ST6GALNAC3: variants seen among roughly 807,000 people sequenced by gnomAD.
ST6GALNAC3 encodes the protein ST6 N-acetylgalactosaminide alpha-2,6-sialyltransferase 3, also known as alpha-N-acetylgalactosaminide alpha-2,6-sialyltransferase 3.
ST6GALNAC3 carries 25 observed loss-of-function variants against 32.7 expected under a neutral mutation model. The observed-to-expected ratio is 0.76, with a 90% CI of 0.56 to 1.07. The LOEUF (loss-of-function observed/expected upper bound fraction) is 1.07. Ranked by LOEUF, ST6GALNAC3 falls within the 50% of genes least tolerant of loss-of-function variation. ST6GALNAC3 has a pLI of 0.00. For missense variants in ST6GALNAC3, 355 were observed against 382.4 expected (o/e 0.93, Z 0.60); for synonymous variants, 129 against 133.1 (o/e 0.97, Z 0.21).
rs1649448755 is a variant in ST6GALNAC3 at position 76,634,516 on chromosome 1, T to C, written c.*5710T>C. ...TTTAGAAGAAAGTGTAAATGCACAG[T>C]TGTACGTTTGTTGAGAGTTTTTATG... On this transcript the variant is annotated 3_prime_UTR_variant, in exon 5 of 5. Transcript: ENST00000328299. The C allele has an allele frequency of 6.6e-6, 1 of 152,074 alleles. No homozygotes were observed. Among genetic ancestry groups the C allele is most frequent in the Admixed American group, 6.5e-5 (1 of 15,268 alleles). The allele number at this position is 152,074 out of a possible 1,614,324, so 9.4% of individuals were successfully genotyped here. A position where few individuals can be genotyped will look rare whatever the true frequency, so the allele number is the denominator to read the frequency against.
intron 1 of ST6GALNAC3, among the ~76,000 whole-genome samples, chr1:76,211,316 G>A (rs1478177278): frequency 6.6e-6 from 1 of 152,166 alleles, no homozygotes; most frequent in East Asian, 1.9e-4. Flanking sequence ...GGAGAAATAG[G>A]AATACTTTTA....
At chr1:76,345,722 G>A (rs1166188808) in intron 2 of ST6GALNAC3, among the ~76,000 whole-genome samples, 1 of 151,966 alleles carries the variant, frequency 6.6e-6, no homozygotes, top group South Asian at 2.1e-4. Flanking sequence ...TGAGTAAAAG[G>A]ATGGGGATCT....
chr1:76,317,023 G>A (rs1204513743), intron 2 of ST6GALNAC3, among the ~76,000 whole-genome samples: 1 of 152,106 alleles, frequency 6.6e-6, no homozygotes, highest in Non-Finnish European at 1.5e-5. Flanking sequence ...GTCTATGCAT[G>A]ATAGACCCCA....
At chr1:76,354,750 A>T (rs942699) in intron 2 of ST6GALNAC3, among the ~76,000 whole-genome samples, 2 of 151,944 alleles carry the variant, frequency 1.3e-5, no homozygotes, top group African/African-American at 2.4e-5. Context: ...AACTTCTAAG[A>T]GTGTTGGTTT....
At chr1:76,331,925 AT>A (rs1263346510) in intron 2 of ST6GALNAC3, among the ~76,000 whole-genome samples, 1 of 152,038 alleles carries the variant, frequency 6.6e-6, no homozygotes, top group Non-Finnish European at 1.5e-5. Context: ...TATCTCATGA[AT>A]TTTTCTCCCT....
rs918678082 is a variant in ST6GALNAC3 at position 76,457,299 on chromosome 1, A to G, written c.623+44882A>G. ...CTGCCCAAGGTAATTTACAGATTCA[A>G]TGCCATCCCCATCAAGCTACCAATG... On this transcript the variant is annotated intron_variant, in intron 3 of 4. Transcript: ENST00000328299. Among the ~76,000 whole-genome samples the G allele has an allele frequency of 2.6e-5, 4 of 152,302 alleles. No homozygotes were observed. In the East Asian group the frequency reaches 7.7e-4, roughly 29 times the overall value.
At chr1:76,124,137 C>T (rs1187098750) in intron 1 of ST6GALNAC3, among the ~76,000 whole-genome samples, 1 of 151,992 alleles carries the variant, frequency 6.6e-6, no homozygotes, top group East Asian at 1.9e-4. Context: ...AGAAAAGGGG[C>T]ACGCAGAATT....
intron 1 of ST6GALNAC3, among the ~76,000 whole-genome samples, chr1:76,117,584 G>T (rs1388286914): frequency 6.9e-6 from 1 of 144,578 alleles, no homozygotes; most frequent in East Asian, 1.9e-4. Context: ...TGCATTATCA[G>T]CTGGCAGGGT....
At chr1:76,515,069 G>T (rs1254643826) in intron 3 of ST6GALNAC3, among the ~76,000 whole-genome samples, 1 of 152,052 alleles carries the variant, frequency 6.6e-6, no homozygotes, top group African/African-American at 2.4e-5. Context: ...CTATTTTCTG[G>T]AATAGTGTGA....
At chr1:76,391,518 A>C in intron 2 of ST6GALNAC3, among the ~76,000 whole-genome samples, 1 of 144,650 alleles carries the variant, frequency 6.9e-6, no homozygotes, top group South Asian at 2.4e-4. Flanking sequence ...AGCCATTAGG[A>C]AAGACCTTCC....
At chr1:76,540,479 A>G (rs748930554) in intron 3 of ST6GALNAC3, among the ~76,000 whole-genome samples, 1 of 152,212 alleles carries the variant, frequency 6.6e-6, no homozygotes, top group Non-Finnish European at 1.5e-5. Flanking sequence ...TTTTATTAAA[A>G]GAAATAAAAA....
At chr1:76,133,396 C>T (rs1485040504) in intron 1 of ST6GALNAC3, among the ~76,000 whole-genome samples, 2 of 152,114 alleles carry the variant, frequency 1.3e-5, no homozygotes, top group African/African-American at 4.8e-5. Context: ...GTTGAGCCAT[C>T]GGTGTATCAG....
At chr1:76,396,007 G>T (rs1439051537) in intron 2 of ST6GALNAC3, among the ~76,000 whole-genome samples, 1 of 152,164 alleles carries the variant, frequency 6.6e-6, no homozygotes, top group Non-Finnish European at 1.5e-5. Flanking sequence ...AATACTCAAG[G>T]TGATGGATAC....
chr1:76,269,949 T>C (rs1658742109), intron 1 of ST6GALNAC3, among the ~76,000 whole-genome samples: 1 of 152,118 alleles, frequency 6.6e-6, no homozygotes, highest in Non-Finnish European at 1.5e-5. Context: ...TTTTTCACCC[T>C]AATGTGAAGC....
At chr1:76,366,801 A>G (rs922658745) in intron 2 of ST6GALNAC3, among the ~76,000 whole-genome samples, 12 of 152,258 alleles carry the variant, frequency 7.9e-5, no homozygotes, top group Admixed American at 7.9e-4. Context: ...TTTGAAAGCC[A>G]GCACTTTGCA....
chr1:76,160,905 C>T (rs1052780255), intron 1 of ST6GALNAC3, among the ~76,000 whole-genome samples: 8 of 152,172 alleles, frequency 5.3e-5, no homozygotes, highest in Non-Finnish European at 7.3e-5. Flanking sequence ...TTCTTCTCTA[C>T]AGCTGAATTT....
chr1:76,154,245 G>C (rs1003355740), intron 1 of ST6GALNAC3, among the ~76,000 whole-genome samples: 2 of 152,184 alleles, frequency 1.3e-5, no homozygotes, highest in South Asian at 4.2e-4. Flanking sequence ...CCCCGTAGCC[G>C]GTGGTGCATT....
At chr1:76,370,610 A>C (rs544035532) in intron 2 of ST6GALNAC3, among the ~76,000 whole-genome samples, 1 of 151,968 alleles carries the variant, frequency 6.6e-6, no homozygotes, top group South Asian at 2.1e-4. Context: ...AAACTGAAGA[A>C]TCAGATTTTT....
intron 1 of ST6GALNAC3, among the ~76,000 whole-genome samples, chr1:76,224,218 G>C (rs1307257030): frequency 6.6e-6 from 1 of 152,112 alleles, no homozygotes. Flanking sequence ...CTTGTCTGGA[G>C]AGATTTTATT....
Sources: gnomAD v4.1 joint callset for allele counts (sites outside exome capture counted in the v4.1 genomes callset) on GRCh38, gnomAD v4.1.1 for gene constraint, MANE v1.5 for transcripts, NCBI Gene and HGNC (gene_info 2026-07-23, HGNC 2026-07-21) for gene names.